SLF2: variants seen among roughly 807,000 people sequenced by gnomAD.
SLF2 encodes the protein SMC5-SMC6 complex localization factor protein 2.
SLF2 carries 68 observed loss-of-function variants against 124.3 expected under a neutral mutation model. That is an observed-to-expected ratio of 0.55 (90% confidence interval 0.45 to 0.67). The LOEUF is 0.67. SLF2 is among the 30% of genes least tolerant of loss of function. SLF2 has a pLI of 0.00. For missense variants in SLF2, 1,246 were observed against 1,373.7 expected, an observed-to-expected ratio of 0.91 and a Z score of 1.47; for synonymous variants, 480 against 478.8, an observed-to-expected ratio of 1.00 and a Z score of -0.03.
Position 100,944,160 on chromosome 10 carries a change from A to G in SLF2, c.2757+32A>G, listed in dbSNP as rs760658995. 5 of 1,420,152 alleles carry G rather than the reference A, an allele frequency of 3.5e-6. No homozygotes were observed. In the Admixed American group the frequency reaches 5.4e-5, roughly 15 times the overall value. The allele number at this position is 1,420,152 out of a possible 1,614,324, so 88.0% of individuals were successfully genotyped here. A position where few individuals can be genotyped will look rare whatever the true frequency, so the allele number is the denominator to read the frequency against. Reference sequence around the variant, plus strand: ...AAGAACTTTTATGTGTCTTCTGCTCAGAGCTAGAACCATTTAGTCTGTGGT... The same window carrying G: ...AAGAACTTTTATGTGTCTTCTGCTCGGAGCTAGAACCATTTAGTCTGTGGT... On this transcript the variant is annotated intron_variant, in intron 12 of 19. Transcript: ENST00000238961.
chr10:100,945,274 CTA>C (rs1850081850), intron 12 of SLF2, 54 bp from the exon 13 acceptor site: 1 of 1,416,986 alleles, frequency 7.1e-7, no homozygotes, highest in Non-Finnish European at 9.4e-7. Context: ...AATTAAAACT[CTA>C]AAAGTAAAAT....
intron 13 of SLF2, among the ~76,000 whole-genome samples, chr10:100,945,766 T>C (rs1164018966): frequency 6.6e-6 from 1 of 152,184 alleles, no homozygotes; most frequent in African/African-American, 2.4e-5. Flanking sequence ...GTGCTAGAGA[T>C]TGAGCTGTGA....
At position 100,925,877 on chromosome 10, in the gene SLF2, T is replaced by G; in HGVS notation, c.1972-72T>G. 2.1e-6 allele frequency: 3 copies of G among 1,409,964 alleles called. No homozygotes were observed. The South Asian group carries it at 4.2e-5, about 20-fold the overall frequency. 87.3% of individuals were successfully genotyped at this position (1,409,964 alleles called of 1,614,324 possible). ...AAATAGAAAATAGTCTTTCGTACCC[T>G]TAATTACTTAAAACATCCCAGTTCT... On this transcript the variant is annotated intron_variant, in intron 5 of 19. Coordinates refer to ENST00000238961, the MANE Select transcript of SLF2 (RefSeq NM_018121.4).
chr10:100,917,919 C>CAAATAAATAAAT (rs76103040), intron 3 of SLF2, among the ~76,000 whole-genome samples: 1 of 151,586 alleles, frequency 6.6e-6, no homozygotes, highest in Non-Finnish European at 1.5e-5. Context: ...GGCTCTACTA[C>CAAATAAATAAAT]AAATAAATAA....
intron 16 of SLF2, 43 bp from the exon 17 acceptor site, chr10:100,950,633 C>G (rs746163865): frequency 1.0e-5 from 15 of 1,487,292 alleles, no homozygotes; most frequent in African/African-American, 1.4e-5. Context: ...GACATCTATG[C>G]TAGCTAATTC....
At position 100,917,081 on chromosome 10, in the gene SLF2, G is replaced by A; in HGVS notation, c.696G>A (p.Leu232=). 1 of 1,614,142 alleles carries A rather than the reference G, an allele frequency of 6.2e-7. No homozygotes were observed. The highest frequency in any genetic ancestry group is 8.5e-7 in the Non-Finnish European group (1 of 1,180,016). Residue 232 remains leucine (L), a synonymous_variant, in exon 3 of 20, where the codon CTG becomes CTA. Transcript: ENST00000238961. The part of the protein sequence containing the change: ...LSRHHPEESP[L]GAKFQLSLAS... ...GGCACCACCCGGAAGAAAGCCCACT[G>A]GGAGCTAAATTCCAGTTGTCACTAG...
intron 1 of SLF2, among the ~76,000 whole-genome samples, chr10:100,914,619 C>T (rs1043195873): frequency 6.6e-6 from 1 of 152,188 alleles, no homozygotes; most frequent in Non-Finnish European, 1.5e-5. Context: ...AACAAGGTAT[C>T]ATCCTTCTTC....
At chr10:100,958,142 G>GT (rs1850367163) in intron 18 of SLF2, among the ~76,000 whole-genome samples, 1 of 152,124 alleles carries the variant, frequency 6.6e-6, no homozygotes, top group Non-Finnish European at 1.5e-5. Flanking sequence ...CTTTGATAAT[G>GT]TAATACAATG....
At chr10:100,946,752 G>T (rs139956217) in intron 13 of SLF2, among the ~76,000 whole-genome samples, 1 of 152,298 alleles carries the variant, frequency 6.6e-6, no homozygotes, top group East Asian at 1.9e-4. Flanking sequence ...ATCTTTCCAA[G>T]AAGGACTGTT....
chr10:100,924,707 C>G lies in SLF2; in HGVS notation c.1706C>G (p.Pro569Arg), dbSNP rs1368547656. The G allele has an allele frequency of 7.4e-6, 12 of 1,614,058 alleles. No individual in the cohort carries two copies. The highest frequency in any genetic ancestry group is 1.0e-5 in the Non-Finnish European group (12 of 1,180,036). The change falls in exon 5 of 20, where the codon CCT (proline) becomes CGT (arginine). Residue 569 changes from proline to arginine, a missense_variant. Coordinates refer to ENST00000238961, the MANE Select transcript of SLF2 (RefSeq NM_018121.4). The part of the protein sequence containing the change: ...ALEVVPCIPS[P>R]AAPSDKAPSE... ...GAAGTTGTGCCATGTATCCCAAGCC[C>G]TGCAGCACCTTCAGATAAAGCCCCT...
intron 15 of SLF2, 40 bp downstream of exon 15, chr10:100,947,887 G>T: frequency 6.8e-7 from 1 of 1,462,598 alleles, no homozygotes; most frequent in South Asian, 1.1e-5. Flanking sequence ...AAATGGGAGA[G>T]GTAATGAGAG....
intron 12 of SLF2, among the ~76,000 whole-genome samples, chr10:100,944,728 A>T (rs1850065249): frequency 6.6e-6 from 1 of 152,156 alleles, no homozygotes; most frequent in Non-Finnish European, 1.5e-5. Flanking sequence ...TTAGTAATCA[A>T]GAGTTAATGG....
At chr10:100,952,097 A>T (rs969400142) in intron 17 of SLF2, among the ~76,000 whole-genome samples, 2 of 151,700 alleles carry the variant, frequency 1.3e-5, no homozygotes, top group Admixed American at 6.6e-5. Context: ...ACAAAAAGTT[A>T]GCCGGGCGTG....
intron 14 of SLF2, 53 bp from the exon 15 acceptor site, chr10:100,947,707 T>G: frequency 7.8e-7 from 1 of 1,286,614 alleles, no homozygotes; most frequent in South Asian, 1.3e-5. Context: ...CATTTGCTTT[T>G]CAAGCAGTAT....
chr10:100,956,070 T>TA (rs991587050), intron 17 of SLF2, among the ~76,000 whole-genome samples: 7 of 151,798 alleles, frequency 4.6e-5, no homozygotes, highest in African/African-American at 1.5e-4. Context: ...CCCATTTCTT[T>TA]AAAAAATTTT....
chr10:100,946,954 G>A (rs1188238746), intron 13 of SLF2, 85 bp from the exon 14 acceptor site: 1 of 1,057,520 alleles, frequency 9.5e-7, no homozygotes, highest in Non-Finnish European at 1.5e-6. Context: ...CTTCCATTAT[G>A]TCAAGAAGGG....
chr10:100,950,591 C>T, intron 16 of SLF2, 85 bp from the exon 17 acceptor site: 1 of 1,188,290 alleles, frequency 8.4e-7, no homozygotes, highest in Non-Finnish European at 1.2e-6. Context: ...TTTATCCTTC[C>T]TGGGCAATTT....
Position 100,913,064 on chromosome 10 carries a change from C to T in SLF2, c.-47C>T, listed in dbSNP as rs889895139. The T allele has an allele frequency of 6.3e-7, 1 of 1,598,000 alleles. No homozygotes were observed. The highest frequency in any genetic ancestry group is 1.3e-5 in the African/African-American group (1 of 74,328). ...AGCAGCAAGACGGCAACCACGCACC[C>T]AACTTCTCCAGCCACGGCTCATGCC... On this transcript the variant is annotated 5_prime_UTR_variant, in exon 1 of 20. Transcript: ENST00000238961.
intron 6 of SLF2, chr10:100,926,296 G>C: frequency 6.8e-7 from 1 of 1,462,670 alleles, no homozygotes. Flanking sequence ...GTGGCAGAGT[G>C]AGACCCAGTC....
Sources: allele counts gnomAD v4.1 joint callset (sites outside exome capture counted in the v4.1 genomes callset), GRCh38; gene constraint gnomAD v4.1.1; transcripts MANE v1.5; gene names NCBI Gene and HGNC (gene_info 2026-07-23, HGNC 2026-07-21).